CLEC18A: variants seen among roughly 807,000 people sequenced by gnomAD.
The protein encoded by CLEC18A is C-type lectin domain family 18 member A, also known as mannose receptor-like 1.
A neutral mutation model predicts 24.0 loss-of-function variants in CLEC18A; 5 were observed. That is an observed-to-expected ratio of 0.21 (90% CI 0.11 to 0.44). CLEC18A has a LOEUF of 0.44. Among genes scored for constraint, CLEC18A ranks in the 20% least tolerant of loss-of-function variants. CLEC18A has a pLI of 0.99. For synonymous variants in CLEC18A, 29 were observed against 100.1 expected, an observed-to-expected ratio of 0.29 and a Z score of 4.24; for missense variants, 83 against 233.4, an observed-to-expected ratio of 0.36 and a Z score of 4.20.
chr16:69,945,345 A>T, the CLEC18A span, among the ~76,000 whole-genome samples: 12 of 151,810 alleles, frequency 7.9e-5, no homozygotes, highest in Non-Finnish European at 1.5e-5. Context: ...TGTTCCCTTG[A>T]TCTATATGTC....
At chr16:69,953,323 G>A (rs1049564037) in intron 2 of CLEC18A, 1 of 151,272 alleles carries the variant, frequency 6.6e-6, no homozygotes, top group Admixed American at 6.6e-5. Flanking sequence ...GTAAAACCCC[G>A]ATGGACATTA....
chr16:69,965,525 C>G (rs867687065), downstream of CLEC18A, among the ~76,000 whole-genome samples: 18 of 151,190 alleles, frequency 1.2e-4, no homozygotes, highest in South Asian at 6.4e-4. Context: ...GGCGGGGCGG[C>G]CGAGCCGAGA....
chr16:69,953,217 C>T (rs1201400571), intron 2 of CLEC18A: 1 of 152,510 alleles, frequency 6.6e-6, no homozygotes, highest in African/African-American at 2.4e-5. Flanking sequence ...GGCACCCCCT[C>T]TTTGGACACA....
At chr16:69,950,861 TC>T (rs1451704476), upstream of CLEC18A, 4 of 149,784 alleles carry the variant, frequency 2.7e-5, no homozygotes, top group African/African-American at 1.0e-4. Context: ...AGGAAAGAAC[TC>T]CCCTGGGGTC....
intron 3 of CLEC18A, among the ~76,000 whole-genome samples, chr16:69,956,480 C>A (rs2059037617): frequency 8.0e-6 from 1 of 125,760 alleles, no homozygotes. Context: ...CTCAGCCTCC[C>A]TAGTAGCTGG....
chr16:69,944,653 A>G, the CLEC18A span, among the ~76,000 whole-genome samples: 1 of 151,654 alleles, frequency 6.6e-6, no homozygotes, highest in Non-Finnish European at 1.5e-5. Context: ...TGGCTCACAC[A>G]GTGAAACCCC....
At chr16:69,954,810 A>C (rs4985468) in intron 3 of CLEC18A, among the ~76,000 whole-genome samples, 67,367 of 148,004 alleles carry the variant, frequency 0.46, 13,524 homozygotes, top group East Asian at 0.7. Flanking sequence ...TGATTCTTGT[A>C]CTTCAGCCTC....
upstream of CLEC18A, among the ~76,000 whole-genome samples, chr16:69,947,344 T>A (rs2058913114): frequency 7.3e-6 from 1 of 136,386 alleles, no homozygotes; most frequent in Admixed American, 7.9e-5. Flanking sequence ...CATTTAACTT[T>A]AATTACCTCT....
At chr16:69,955,103 C>A (rs573405153) in intron 3 of CLEC18A, among the ~76,000 whole-genome samples, 1 of 152,100 alleles carries the variant, frequency 6.6e-6, no homozygotes, top group East Asian at 1.9e-4. Context: ...TAGATTCAAG[C>A]GATTCTTGTG....
downstream of CLEC18A, among the ~76,000 whole-genome samples, chr16:69,966,207 A>G (rs969183393): frequency 6.7e-6 from 1 of 149,050 alleles, no homozygotes; most frequent in Non-Finnish European, 1.5e-5. Context: ...CCCTACATCT[A>G]TTAGGGGAGT....
intron 3 of CLEC18A, among the ~76,000 whole-genome samples, chr16:69,955,841 AG>A (rs2059026955): frequency 6.6e-6 from 1 of 151,768 alleles, no homozygotes; most frequent in Non-Finnish European, 1.5e-5. Context: ...ATATTTGTTG[AG>A]GGTCTTCTAC....
At chr16:69,946,210 G>T (rs1458302625), upstream of CLEC18A, among the ~76,000 whole-genome samples, 26 of 126,440 alleles carry the variant, frequency 2.1e-4, no homozygotes, top group African/African-American at 7.0e-4. Context: ...GGAGGCGGAG[G>T]TTGCAGTAGG....
Position 69,963,786 on chromosome 16 carries a change from C to T in CLEC18A, c.*175C>T. 7 of 646,578 alleles carry T rather than the reference C, an allele frequency of 1.1e-5. No homozygotes were observed. The highest frequency in any genetic ancestry group is 7.8e-5 in the South Asian group (4 of 51,518). 40.1% of individuals were successfully genotyped at this position (646,578 alleles called of 1,614,324 possible). A position where few individuals can be genotyped will look rare whatever the true frequency, so the allele number is the denominator to read the frequency against. On this transcript the variant is annotated 3_prime_UTR_variant, in exon 12 of 12. Coordinates refer to ENST00000288040, the MANE Select transcript of CLEC18A (RefSeq NM_001370523.4). ...AGAGAGGCAGGGAGGCCAGTGAGGG[C>T]CAGGGAGTGAGTGTTAGAAGAAGCT... is the stretch of plus-strand genomic sequence containing the variant.
At chr16:69,955,074 C>T (rs866621259) in intron 3 of CLEC18A, among the ~76,000 whole-genome samples, 9 of 152,148 alleles carry the variant, frequency 5.9e-5, no homozygotes, top group Non-Finnish European at 1.0e-4. Context: ...GATCTCAGCT[C>T]ACTGCAACCT....
At chr16:69,962,926 C>A (rs747584886) in intron 10 of CLEC18A, 50 bp from the exon 11 acceptor site, 1 of 1,387,656 alleles carries the variant, frequency 7.2e-7, no homozygotes. Context: ...AGGCCTCTCC[C>A]GGTCCCTGAC....
chr16:69,964,803 C>G (rs1279998257), downstream of CLEC18A, among the ~76,000 whole-genome samples: 1 of 151,516 alleles, frequency 6.6e-6, no homozygotes, highest in Admixed American at 6.6e-5. Flanking sequence ...GCGCCCGGCC[C>G]TATTTTTTTC....
At chr16:69,965,085 A>C (rs369273686), downstream of CLEC18A, among the ~76,000 whole-genome samples, 7,602 of 138,982 alleles carry the variant, frequency 0.055, 59 homozygotes, top group African/African-American at 0.24. Flanking sequence ...TACAGGCATG[A>C]GGCCCGGCGC....
chr16:69,950,627 TC>T (rs2058933633), upstream of CLEC18A: 1 of 74,376 alleles, frequency 1.3e-5, no homozygotes, highest in Non-Finnish European at 3.1e-5. Context: ...CCTGCCTCAC[TC>T]CCCCCCTGGC....
At chr16:69,944,423 A>T in the CLEC18A span, among the ~76,000 whole-genome samples, 1 of 152,112 alleles carries the variant, frequency 6.6e-6, no homozygotes. Context: ...TGAACCAGAC[A>T]GAGAAACATT....
Sources: gnomAD v4.1 joint callset for allele counts (sites outside exome capture counted in the v4.1 genomes callset) on GRCh38, gnomAD v4.1.1 for gene constraint, MANE v1.5 for transcripts, NCBI Gene and HGNC (gene_info 2026-07-23, HGNC 2026-07-21) for gene names.